Variants in CCNB3 observed in about 807,000 individuals in gnomAD.
CCNB3 encodes the protein cyclin B3.
In CCNB3, 12 loss-of-function variants were observed where a neutral mutation model predicts 68.0. That is an observed-to-expected ratio of 0.18 (90% CI 0.11 to 0.29). The LOEUF is 0.29. CCNB3 is among the 10% of genes least tolerant of loss of function. CCNB3 has a pLI of 1.00. For synonymous variants in CCNB3, 354 were observed against 388.9 expected, an observed-to-expected ratio of 0.91 and a Z score of 1.06; for missense variants, 904 against 993.1, an observed-to-expected ratio of 0.91 and a Z score of 1.21.
At chrX:50,315,824 T>C (rs1921698779) in intron 8 of CCNB3, among the ~76,000 whole-genome samples, 1 of 111,831 alleles carries the variant, frequency 8.9e-6, no homozygotes, top group Non-Finnish European at 1.9e-5. Flanking sequence ...TCTATAATTT[T>C]GTCATTTCAT....
intron 8 of CCNB3, among the ~76,000 whole-genome samples, chrX:50,332,256 A>G (rs1436403678): frequency 1.8e-5 from 2 of 111,400 alleles, no homozygotes; most frequent in Non-Finnish European, 3.8e-5. Flanking sequence ...AACTGTGGAC[A>G]TGGGAGGCTT....
At chrX:50,227,639 A>G (rs1195356956) in intron 1 of CCNB3, among the ~76,000 whole-genome samples, 1 of 93,804 alleles carries the variant, frequency 1.1e-5, no homozygotes, top group African/African-American at 3.8e-5. Flanking sequence ...GAATACATAT[A>G]TATAGAGAGA....
chrX:50,327,923 C>T (rs1489033229), intron 8 of CCNB3, among the ~76,000 whole-genome samples: 1 of 111,689 alleles, frequency 9.0e-6, no homozygotes, highest in Non-Finnish European at 1.9e-5. Flanking sequence ...CCAATGTAAT[C>T]ACAAGGATAC....
At chrX:50,306,127 G>A (rs1225824134) in intron 5 of CCNB3, among the ~76,000 whole-genome samples, 2 of 109,489 alleles carry the variant, frequency 1.8e-5, no homozygotes, top group East Asian at 5.7e-4. Flanking sequence ...CATGAATATG[G>A]ATGTCTATCT....
intron 10 of CCNB3, among the ~76,000 whole-genome samples, chrX:50,347,219 G>T (rs1407296618): frequency 9.0e-6 from 1 of 110,791 alleles, no homozygotes; most frequent in Non-Finnish European, 1.9e-5. Context: ...GTGTGTGATA[G>T]GTTGTAATTT....
chrX:50,328,493 TGATGAG>T (rs1412560406), intron 8 of CCNB3, among the ~76,000 whole-genome samples: 1 of 111,375 alleles, frequency 9.0e-6, no homozygotes, highest in Non-Finnish European at 1.9e-5. Flanking sequence ...GAACTCACTA[TGATGAG>T]GACAGCACCA....
chrX:50,227,749 A>G (rs1477028450), intron 1 of CCNB3, among the ~76,000 whole-genome samples: 1 of 88,858 alleles, frequency 1.1e-5, no homozygotes, highest in Non-Finnish European at 2.1e-5. Flanking sequence ...AAATATGTAT[A>G]GAGAGAATAT....
upstream of CCNB3, among the ~76,000 whole-genome samples, chrX:50,204,305 T>C (rs1557205138): frequency 1.8e-5 from 2 of 111,779 alleles, no homozygotes; most frequent in Non-Finnish European, 3.8e-5. Flanking sequence ...CTGGAGGGCT[T>C]CAGTTTCTCA....
At chrX:50,295,559 G>T (rs782615855) in intron 5 of CCNB3, among the ~76,000 whole-genome samples, 1 of 111,507 alleles carries the variant, frequency 9.0e-6, no homozygotes, top group Non-Finnish European at 1.9e-5. Flanking sequence ...ATTCCGGTGG[G>T]AATTATTCTT....
intron 1 of CCNB3, among the ~76,000 whole-genome samples, chrX:50,220,621 G>C (rs1935653906): frequency 8.9e-6 from 1 of 111,933 alleles, no homozygotes; most frequent in Non-Finnish European, 1.9e-5. Context: ...CAGGGATGAA[G>C]CCAACTTGAT....
intron 11 of CCNB3, among the ~76,000 whole-genome samples, chrX:50,350,357 T>C (rs1166565520): frequency 9.0e-6 from 1 of 111,580 alleles, no homozygotes; most frequent in Non-Finnish European, 1.9e-5. Flanking sequence ...AAGAGGTTAA[T>C]TAACTGGCTC....
At position 50,294,950 on chromosome X, in the gene CCNB3, C is replaced by T; in HGVS notation, c.292C>T (p.His98Tyr). 8.3e-7 allele frequency: 1 copy of T among 1,209,614 alleles called. No homozygotes were observed. The highest frequency in any genetic ancestry group is 1.1e-6 in the Non-Finnish European group (1 of 894,162). ...TTCCAAGAAGATAAACAGGAACACA[C>T]ATGCTCTTGGACTGGCCAAAAAGAA... ...VVSKKINRNTHALGLAKKNKR... is the reference protein window; with the variant it reads ...VVSKKINRNTYALGLAKKNKR... Residue 98 changes from histidine to tyrosine, a missense_variant, in exon 5 of 13, where the codon CAT becomes TAT. Around this residue, in one of 2 missense-constraint regions of CCNB3, gnomAD observed 619 missense variants for 609.8 expected, o/e 1.02. Coordinates refer to ENST00000376042, the MANE Select transcript of CCNB3 (RefSeq NM_033031.3).
Position 50,310,151 on chromosome X carries a change from T to C in CCNB3, c.1982T>C (p.Ile661Thr), listed in dbSNP as rs782756366. The C allele has an allele frequency of 2.5e-6, 3 of 1,210,258 alleles. No individual in the cohort carries two copies. The South Asian group carries it at 5.3e-5, about 21-fold the overall frequency. ...TCCCTCTCAAAAGAGTCATTGGCCATCCAAGAGAAGGCTACCACTGAGGAG... is the reference window on the plus strand; with the variant it reads ...TCCCTCTCAAAAGAGTCATTGGCCACCCAAGAGAAGGCTACCACTGAGGAG... The part of the protein sequence containing the change: ...EVSLSKESLA[I>T]QEKATTEEEF... Residue 661 changes from isoleucine to threonine, a missense_variant, in exon 6 of 13, where the codon ATC becomes ACC. Ile to Thr is a moderately conservative substitution (Grantham distance 89). Transcript: ENST00000376042.
chrX:50,308,278 A>G (rs782237191), intron 5 of CCNB3, among the ~76,000 whole-genome samples: 28 of 112,258 alleles, frequency 2.5e-4, no homozygotes, highest in Non-Finnish European at 5.1e-4. Flanking sequence ...ATGAATTTCT[A>G]TGGAAAAATT....
chrX:50,217,267 G>GTTTTT (rs1220524134), intron 1 of CCNB3, among the ~76,000 whole-genome samples: 5 of 29,698 alleles, frequency 1.7e-4, no homozygotes, highest in East Asian at 1.3e-3. Flanking sequence ...CTTCACTCTT[G>GTTTTT]TTTTTTTTTT....
intron 5 of CCNB3, among the ~76,000 whole-genome samples, chrX:50,300,689 A>G (rs1936610317): frequency 9.0e-6 from 1 of 111,461 alleles, no homozygotes; most frequent in Admixed American, 9.5e-5. Flanking sequence ...CTGCCTTGCT[A>G]GATTGGGGAA....
At chrX:50,288,735 CTG>C (rs781950541) in intron 3 of CCNB3, 43 bp from the exon 4 acceptor site, 28 of 993,364 alleles carry the variant, frequency 2.8e-5, no homozygotes, top group Non-Finnish European at 3.7e-5. Flanking sequence ...CCTGAAGAGA[CTG>C]TTCACAATTG....
At position 50,215,908 on chromosome X, in the gene CCNB3, T is replaced by C. The variant is rs1315941023; in HGVS notation, c.-113+10958T>C. 8.2e-5 allele frequency among the ~76,000 whole-genome samples: 9 copies of C among 109,383 alleles called. No individual in the cohort carries two copies. The East Asian group carries it at 2.3e-3, about 28-fold the overall frequency. The allele number at this position is 109,383 out of a possible 115,157, so 95.0% of individuals were successfully genotyped here. A position where few individuals can be genotyped will look rare whatever the true frequency, so the allele number is the denominator to read the frequency against. On this transcript the variant is annotated intron_variant, in intron 1 of 12. Transcript: ENST00000376042. ...TATATCATTGTATTTGAAGGGGGTT[T>C]TCTTGTTGACAGCATGTCATTGGGG...
At chrX:50,228,161 A>C (rs1423040024) in intron 1 of CCNB3, among the ~76,000 whole-genome samples, 2 of 92,315 alleles carry the variant, frequency 2.2e-5, no homozygotes, top group East Asian at 3.1e-4. Flanking sequence ...ATATCTACAT[A>C]GAATGCATAT....
Sources: allele counts gnomAD v4.1 joint callset (sites outside exome capture counted in the v4.1 genomes callset), GRCh38; gene constraint gnomAD v4.1.1; regional missense constraint gnomAD v4.1.1; transcripts MANE v1.5; gene names NCBI Gene and HGNC (gene_info 2026-07-23, HGNC 2026-07-21).